The following C8orf34 variants were observed in gnomAD, a reference collection of about 807,000 sequenced individuals.
C8orf34 encodes chromosome 8 open reading frame 34.
Under a neutral mutation model 68.3 loss-of-function variants are expected in C8orf34, and 65 were observed. That is an observed-to-expected ratio of 0.95 (90% CI 0.78 to 1.17). C8orf34 has a LOEUF of 1.17. Ranked by LOEUF, C8orf34 falls within the 50% of genes most tolerant of loss-of-function variation. C8orf34 has a pLI of 0.00. For missense variants in C8orf34, 664 were observed against 655.4 expected (o/e 1.01, Z -0.14); for synonymous variants, 244 against 241.2 (o/e 1.01, Z -0.11).
At chr8:68,758,161 G>A (rs1437904500) in intron 10 of C8orf34, among the ~76,000 whole-genome samples, 1 of 152,184 alleles carries the variant, frequency 6.6e-6, no homozygotes, top group Non-Finnish European at 1.5e-5. Flanking sequence ...AGGAAATAAT[G>A]ACATAAACAT....
chr8:68,494,450 C>T (rs552076594), intron 5 of C8orf34, among the ~76,000 whole-genome samples: 31 of 152,204 alleles, frequency 2.0e-4, no homozygotes, highest in African/African-American at 6.3e-4. Flanking sequence ...AACATTGGTT[C>T]GCACAGAGAT....
intron 8 of C8orf34, among the ~76,000 whole-genome samples, chr8:68,651,233 G>T (rs1358297122): frequency 6.6e-6 from 1 of 152,152 alleles, no homozygotes; most frequent in African/African-American, 2.4e-5. Context: ...TGAAGGAAAT[G>T]GATGATGTGA....
At chr8:68,590,364 T>A (rs932742864) in intron 7 of C8orf34, among the ~76,000 whole-genome samples, 2 of 152,178 alleles carry the variant, frequency 1.3e-5, no homozygotes, top group African/African-American at 4.8e-5. Flanking sequence ...TATTTCTTAG[T>A]CCCTTTTATT....
At chr8:68,752,849 A>G (rs1822747574) in intron 10 of C8orf34, among the ~76,000 whole-genome samples, 5 of 152,188 alleles carry the variant, frequency 3.3e-5, no homozygotes, top group Admixed American at 3.3e-4. Flanking sequence ...CAGCTGGTTG[A>G]GTTGGAAAAA....
intron 10 of C8orf34, among the ~76,000 whole-genome samples, chr8:68,727,726 G>A (rs1178845235): frequency 6.6e-6 from 1 of 152,210 alleles, no homozygotes; most frequent in African/African-American, 2.4e-5. Flanking sequence ...AAGGCTTGGG[G>A]CTTCCACCCT....
intron 8 of C8orf34, among the ~76,000 whole-genome samples, chr8:68,698,540 T>C (rs573405486): frequency 6.6e-6 from 1 of 151,962 alleles, no homozygotes; most frequent in Admixed American, 6.6e-5. Flanking sequence ...GAGGGGCTGG[T>C]TTTTCACCAC....
intron 7 of C8orf34, among the ~76,000 whole-genome samples, chr8:68,600,192 C>T (rs1817658541): frequency 6.6e-6 from 1 of 152,088 alleles, no homozygotes; most frequent in Non-Finnish European, 1.5e-5. Context: ...TAATTTATCA[C>T]AGTCTACAGG....
At chr8:68,484,861 C>A (rs2129631310) in intron 4 of C8orf34, among the ~76,000 whole-genome samples, 1 of 152,256 alleles carries the variant, frequency 6.6e-6, no homozygotes, top group South Asian at 2.1e-4. Context: ...GAAAGAATTA[C>A]AGATAATAGA....
intron 7 of C8orf34, among the ~76,000 whole-genome samples, chr8:68,557,019 A>G (rs1020149397): frequency 6.6e-6 from 1 of 152,200 alleles, no homozygotes; most frequent in Admixed American, 6.5e-5. Context: ...CATCATTTCT[A>G]CCATACATAC....
chr8:68,445,853 A>T (rs1472604510), intron 2 of C8orf34, among the ~76,000 whole-genome samples: 2 of 152,190 alleles, frequency 1.3e-5, no homozygotes, highest in Non-Finnish European at 2.9e-5. Context: ...GCAGTGGCAC[A>T]GTCTCGGCTC....
intron 3 of C8orf34, among the ~76,000 whole-genome samples, chr8:68,450,043 T>C (rs188127351): frequency 6.6e-6 from 1 of 152,282 alleles, no homozygotes; most frequent in African/African-American, 2.4e-5. Context: ...TGATGCAGTA[T>C]TTTAAGTCAC....
intron 7 of C8orf34, among the ~76,000 whole-genome samples, chr8:68,560,739 T>C (rs984381090): frequency 6.6e-6 from 1 of 152,104 alleles, no homozygotes; most frequent in African/African-American, 2.4e-5. Context: ...AAAATGGTAC[T>C]CCTGTACAGG....
At chr8:68,685,337 G>A (rs775875784) in intron 8 of C8orf34, among the ~76,000 whole-genome samples, 3 of 152,018 alleles carry the variant, frequency 2.0e-5, no homozygotes, top group Non-Finnish European at 4.4e-5. Context: ...AATAAATAAG[G>A]TGAGGAGAAG....
chr8:68,736,318 T>A (rs1822120996), intron 10 of C8orf34, among the ~76,000 whole-genome samples: 1 of 152,142 alleles, frequency 6.6e-6, no homozygotes, highest in African/African-American at 2.4e-5. Flanking sequence ...TGCTTTTTAT[T>A]ATTTCAACAA....
chr8:68,677,538 T>C (rs986886787), intron 8 of C8orf34, among the ~76,000 whole-genome samples: 26 of 152,060 alleles, frequency 1.7e-4, no homozygotes, highest in African/African-American at 5.6e-4. Flanking sequence ...CTTATTTTTT[T>C]TGTAGACAAG....
chr8:68,760,863 G>T (rs958970562), intron 10 of C8orf34, among the ~76,000 whole-genome samples: 1 of 152,120 alleles, frequency 6.6e-6, no homozygotes, highest in Non-Finnish European at 1.5e-5. Context: ...CTCTATCACT[G>T]TTTAAATATT....
intron 3 of C8orf34, among the ~76,000 whole-genome samples, chr8:68,467,783 A>G (rs373328171): frequency 1.3e-5 from 2 of 152,022 alleles, no homozygotes; most frequent in South Asian, 2.1e-4. Flanking sequence ...GAAGTACTCT[A>G]TAGTTGGAAT....
intron 3 of C8orf34, among the ~76,000 whole-genome samples, chr8:68,465,969 A>T (rs1238628206): frequency 6.7e-6 from 1 of 149,976 alleles, no homozygotes; most frequent in Admixed American, 6.6e-5. Flanking sequence ...AATAAAATAA[A>T]ATAAAATAAG....
At chr8:68,667,574 A>G (rs1355202377) in intron 8 of C8orf34, among the ~76,000 whole-genome samples, 3 of 152,210 alleles carry the variant, frequency 2.0e-5, no homozygotes, top group Non-Finnish European at 4.4e-5. Flanking sequence ...GGGCAACAAA[A>G]GAAATAAGAC....
Sources: allele counts gnomAD v4.1 joint callset (sites outside exome capture counted in the v4.1 genomes callset), GRCh38; gene constraint gnomAD v4.1.1; transcripts MANE v1.5; gene names NCBI Gene and HGNC (gene_info 2026-07-23, HGNC 2026-07-21).